Variants in EAF2 observed in about 807,000 individuals in gnomAD.
The protein encoded by EAF2 is ELL-associated factor 2.
Under a neutral mutation model 29.4 loss-of-function variants are expected in EAF2, and 29 were observed. That is an observed-to-expected ratio of 0.99 (90% CI 0.73 to 1.35). The LOEUF is 1.35. Ranked by LOEUF, EAF2 falls within the 40% of genes most tolerant of loss-of-function variation. The pLI is 0.00. For missense variants in EAF2, 292 were observed against 312.0 expected, an observed-to-expected ratio of 0.94 and a Z score of 0.48; for synonymous variants, 103 against 102.5, an observed-to-expected ratio of 1.00 and a Z score of -0.03.
At chr3:121,873,329 A>G (rs537535627) in intron 5 of EAF2, among the ~76,000 whole-genome samples, 48 of 151,958 alleles carry the variant, frequency 3.2e-4, no homozygotes, top group Admixed American at 1.2e-3. Context: ...AATTATGCAA[A>G]TCATAAGTCT....
chr3:121,845,011 C>A (rs929620543), intron 2 of EAF2, among the ~76,000 whole-genome samples: 2 of 151,926 alleles, frequency 1.3e-5, no homozygotes, highest in African/African-American at 4.8e-5. Context: ...TTCAGCTGAG[C>A]CTTTAAAGGA....
At chr3:121,861,596 T>C (rs138037148) in intron 4 of EAF2, among the ~76,000 whole-genome samples, 22,219 of 152,126 alleles carry the variant, frequency 0.15, 2,017 homozygotes, top group African/African-American at 0.25. Flanking sequence ...CTGAATACAG[T>C]GCACTGATGG....
chr3:121,855,886 C>G (rs1039352256), intron 3 of EAF2, among the ~76,000 whole-genome samples: 1 of 152,078 alleles, frequency 6.6e-6, no homozygotes, highest in African/African-American at 2.4e-5. Context: ...TCTTTTTAAC[C>G]AGGGATTGGC....
chr3:121,841,558 A>C (rs1413256734), intron 1 of EAF2, among the ~76,000 whole-genome samples: 1 of 142,510 alleles, frequency 7.0e-6, no homozygotes, highest in Admixed American at 7.1e-5. Context: ...GAAAGAAAGA[A>C]AAAAGATAGA....
At chr3:121,860,101 G>A (rs779203540) in intron 4 of EAF2, among the ~76,000 whole-genome samples, 21 of 152,106 alleles carry the variant, frequency 1.4e-4, no homozygotes, top group Non-Finnish European at 2.4e-4. Context: ...TTTTCACATC[G>A]GTGTTCACCA....
At chr3:121,885,301 C>A (rs1709264628) in intron 5 of EAF2, among the ~76,000 whole-genome samples, 1 of 152,194 alleles carries the variant, frequency 6.6e-6, no homozygotes. Context: ...CTTAGCCTCA[C>A]CTCCCCCAGA....
chr3:121,879,127 A>AT (rs1276434294), intron 5 of EAF2, among the ~76,000 whole-genome samples: 2 of 152,038 alleles, frequency 1.3e-5, no homozygotes, highest in Non-Finnish European at 2.9e-5. Context: ...GATGATGAGT[A>AT]TTTTTTCATA....
At chr3:121,866,387 A>C (rs917507688) in intron 4 of EAF2, among the ~76,000 whole-genome samples, 1 of 152,116 alleles carries the variant, frequency 6.6e-6, no homozygotes, top group African/African-American at 2.4e-5. Flanking sequence ...TAAGATATAG[A>C]TCTCCCCTAG....
intron 4 of EAF2, among the ~76,000 whole-genome samples, chr3:121,864,869 A>G (rs1708896388): frequency 6.6e-6 from 1 of 152,266 alleles, no homozygotes; most frequent in Admixed American, 6.5e-5. Flanking sequence ...CTAATCACCA[A>G]GACATAAGGG....
At chr3:121,840,699 C>A (rs533945521) in intron 1 of EAF2, among the ~76,000 whole-genome samples, 1 of 140,580 alleles carries the variant, frequency 7.1e-6, no homozygotes, top group Admixed American at 7.4e-5. Flanking sequence ...CCCAGCCATT[C>A]GGGAGGCTGA....
intron 4 of EAF2, among the ~76,000 whole-genome samples, chr3:121,864,234 A>G (rs1708884754): frequency 6.6e-6 from 1 of 152,302 alleles, no homozygotes; most frequent in South Asian, 2.1e-4. Flanking sequence ...TTGCTTCTAC[A>G]CTTTGCCTTC....
intron 2 of EAF2, among the ~76,000 whole-genome samples, chr3:121,850,905 T>C (rs555515982): frequency 5.3e-5 from 8 of 152,012 alleles, no homozygotes; most frequent in Non-Finnish European, 7.4e-5. Flanking sequence ...TTCACTATGT[T>C]GACCAGGCTG....
At chr3:121,845,288 A>G (rs1289220679) in intron 2 of EAF2, among the ~76,000 whole-genome samples, 1 of 152,012 alleles carries the variant, frequency 6.6e-6, no homozygotes, top group East Asian at 1.9e-4. Context: ...AAATACAAAA[A>G]TTAGCCAGTC....
At chr3:121,857,848 G>T (rs1479383176) in intron 4 of EAF2, among the ~76,000 whole-genome samples, 2 of 152,004 alleles carry the variant, frequency 1.3e-5, no homozygotes, top group Non-Finnish European at 2.9e-5. Context: ...ACAGGCCCCG[G>T]TGTGTGATGG....
chr3:121,884,435 A>T (rs182673562), intron 5 of EAF2, among the ~76,000 whole-genome samples: 8,745 of 145,268 alleles, frequency 0.06, 310 homozygotes, highest in Middle Eastern at 0.13. Context: ...TTATTTATTT[A>T]TTTTTTTTTT....
At chr3:121,847,646 G>T (rs114019501) in intron 2 of EAF2, among the ~76,000 whole-genome samples, 3 of 151,926 alleles carry the variant, frequency 2.0e-5, no homozygotes, top group African/African-American at 4.8e-5. Flanking sequence ...GTTGGGGAGA[G>T]GGGGGGAGGA....
chr3:121,879,999 C>T (rs1033864212), intron 5 of EAF2, among the ~76,000 whole-genome samples: 9 of 152,056 alleles, frequency 5.9e-5, no homozygotes, highest in African/African-American at 2.2e-4. Flanking sequence ...CATTATAATT[C>T]TTTCAATCTT....
rs192285263 is a variant in EAF2 at position 121,841,437 on chromosome 3, G to T, written c.107-3016G>T. Reference sequence around the variant, plus strand: ...GGAGAATCACTTGAACCCAGGAGGCGTACGTTACAGTGAGCCGAAATCGCG... The same window carrying T: ...GGAGAATCACTTGAACCCAGGAGGCTTACGTTACAGTGAGCCGAAATCGCG... On this transcript the variant is annotated intron_variant, in intron 1 of 5. Coordinates refer to ENST00000273668, the MANE Select transcript of EAF2 (RefSeq NM_018456.6). Among the ~76,000 whole-genome samples, 173 of 141,312 alleles carry T rather than the reference G, an allele frequency of 1.2e-3. 1 individual carries two copies. The highest frequency in any genetic ancestry group is 4.5e-3 in the African/African-American group (171 of 38,118). The allele number at this position is 141,312 out of a possible 152,430, so 92.7% of individuals were successfully genotyped here. A position where few individuals can be genotyped will look rare whatever the true frequency, so the allele number is the denominator to read the frequency against.
intron 2 of EAF2, among the ~76,000 whole-genome samples, chr3:121,852,981 A>G (rs189351000): frequency 4.3e-4 from 65 of 152,308 alleles, no homozygotes; most frequent in African/African-American, 1.4e-3. Flanking sequence ...GATGTAGTTT[A>G]TTAGTAATGA....
Sources: allele counts gnomAD v4.1 joint callset (sites outside exome capture counted in the v4.1 genomes callset), GRCh38; gene constraint gnomAD v4.1.1; transcripts MANE v1.5; gene names NCBI Gene and HGNC (gene_info 2026-07-23, HGNC 2026-07-21).